ADGRV1: variants seen among roughly 807,000 people sequenced by gnomAD.
ADGRV1 encodes G-protein coupled receptor 98.
A neutral mutation model predicts 596.2 loss-of-function variants in ADGRV1; 359 were observed. That is an observed-to-expected ratio of 0.60 (90% confidence interval 0.55 to 0.66). ADGRV1 has a LOEUF of 0.66. ADGRV1 is among the 30% of genes least tolerant of loss of function. The probability of loss-of-function intolerance (pLI) is 0.00; values close to 1 mark genes in which losing one functional copy is unlikely to be tolerated. For missense variants in ADGRV1, 7,274 were observed against 7,575.6 expected, an observed-to-expected ratio of 0.96 and a Z score of 1.48; for synonymous variants, 2,681 against 2,679.2, an observed-to-expected ratio of 1.00 and a Z score of -0.02.
intron 82 of ADGRV1, among the ~76,000 whole-genome samples, chr5:90,856,953 A>G (rs1226770698): frequency 2.0e-5 from 3 of 152,154 alleles, no homozygotes; most frequent in Admixed American, 1.3e-4. Flanking sequence ...TCTAATAGTC[A>G]TTATCTTTTA....
chr5:90,889,952 C>T (rs57107124), intron 83 of ADGRV1, among the ~76,000 whole-genome samples: 40,020 of 151,964 alleles, frequency 0.26, 5,741 homozygotes, highest in Non-Finnish European at 0.32. Flanking sequence ...TTGTTCTATA[C>T]AGCTGCAAAA....
chr5:91,137,040 T>A (rs561380613), intron 87 of ADGRV1, among the ~76,000 whole-genome samples: 5 of 152,354 alleles, frequency 3.3e-5, no homozygotes, highest in African/African-American at 1.2e-4. Context: ...TTTGAGGTCA[T>A]GGCAATTAAA....
At chr5:90,724,574 G>C (rs1199238041) in intron 45 of ADGRV1, among the ~76,000 whole-genome samples, 2 of 151,912 alleles carry the variant, frequency 1.3e-5, no homozygotes, top group African/African-American at 2.4e-5. Flanking sequence ...AGTATGTGTA[G>C]GTATAAAGCA....
At chr5:91,079,891 A>T (rs1789188608) in intron 86 of ADGRV1, among the ~76,000 whole-genome samples, 1 of 152,190 alleles carries the variant, frequency 6.6e-6, no homozygotes, top group Non-Finnish European at 1.5e-5. Flanking sequence ...TGAGAGAAAG[A>T]GTAAAGGGCT....
intron 85 of ADGRV1, among the ~76,000 whole-genome samples, chr5:91,009,786 C>G (rs920462933): frequency 3.3e-5 from 5 of 152,044 alleles, no homozygotes; most frequent in Non-Finnish European, 7.4e-5. Flanking sequence ...ACTAAATTGA[C>G]TGGATTTCAA....
At chr5:90,958,861 C>G (rs1318754168) in intron 83 of ADGRV1, among the ~76,000 whole-genome samples, 2 of 152,138 alleles carry the variant, frequency 1.3e-5, no homozygotes, top group Non-Finnish European at 2.9e-5. Context: ...GGAGAGGAAA[C>G]AATTTAGCCC....
At chr5:91,072,402 T>C in intron 85 of ADGRV1, 45 bp from the exon 86 acceptor site, 2 of 1,499,546 alleles carry the variant, frequency 1.3e-6, no homozygotes, top group African/African-American at 2.7e-5. Flanking sequence ...TTAGAAATAT[T>C]TGCGCTGAAA....
chr5:90,690,585 G>T (rs1746339398), intron 30 of ADGRV1, among the ~76,000 whole-genome samples: 1 of 152,126 alleles, frequency 6.6e-6, no homozygotes, highest in South Asian at 2.1e-4. Context: ...TATGGGCTTT[G>T]TGGTTTCTAC....
intron 85 of ADGRV1, among the ~76,000 whole-genome samples, chr5:91,064,339 C>T (rs1192771820): frequency 6.6e-6 from 1 of 152,112 alleles, no homozygotes; most frequent in Non-Finnish European, 1.5e-5. Flanking sequence ...TGTTTATAGT[C>T]CTAGCAATTT....
intron 76 of ADGRV1, 41 bp from the exon 77 acceptor site, chr5:90,828,903 A>G (rs1764283437): frequency 1.4e-6 from 2 of 1,380,392 alleles, no homozygotes; most frequent in Non-Finnish European, 1.9e-6. Context: ...ATAGAAATAT[A>G]TTAGTAATAG....
chr5:91,103,258 T>C (rs1421223230), intron 87 of ADGRV1, among the ~76,000 whole-genome samples: 2 of 152,016 alleles, frequency 1.3e-5, no homozygotes, highest in Non-Finnish European at 2.9e-5. Flanking sequence ...TACAAAACAA[T>C]TAAAAGTTTA....
intron 83 of ADGRV1, among the ~76,000 whole-genome samples, chr5:90,933,484 G>A (rs1775428335): frequency 6.6e-6 from 1 of 152,152 alleles, no homozygotes; most frequent in Non-Finnish European, 1.5e-5. Flanking sequence ...AGGGCAGTAA[G>A]TGAGTCTGGT....
intron 79 of ADGRV1, among the ~76,000 whole-genome samples, chr5:90,851,410 T>A (rs1475558532): frequency 6.6e-6 from 1 of 152,094 alleles, no homozygotes; most frequent in African/African-American, 2.4e-5. Flanking sequence ...GACTAGTTTG[T>A]TTACTCAGGA....
chr5:90,895,890 C>T (rs1482545321), intron 83 of ADGRV1, among the ~76,000 whole-genome samples: 1 of 152,060 alleles, frequency 6.6e-6, no homozygotes, highest in African/African-American at 2.4e-5. Flanking sequence ...TTGTGAACTG[C>T]TTCTGTTAAT....
chr5:91,138,198 A>T (rs1794800807), intron 87 of ADGRV1, among the ~76,000 whole-genome samples: 1 of 152,074 alleles, frequency 6.6e-6, no homozygotes, highest in African/African-American at 2.4e-5. Context: ...AAAAGTGCTT[A>T]CATGTGAAAG....
chr5:91,138,930 C>T (rs1338687694), intron 87 of ADGRV1, among the ~76,000 whole-genome samples: 1 of 152,128 alleles, frequency 6.6e-6, no homozygotes, highest in Non-Finnish European at 1.5e-5. Flanking sequence ...TGCCACCACA[C>T]CCAGCTAATT....
chr5:90,927,576 G>C (rs1464234502), intron 83 of ADGRV1, among the ~76,000 whole-genome samples: 3 of 152,044 alleles, frequency 2.0e-5, no homozygotes, highest in East Asian at 3.9e-4. Context: ...GATGGGTCCT[G>C]ACTCTATCCA....
intron 77 of ADGRV1, among the ~76,000 whole-genome samples, chr5:90,830,289 T>C (rs934235947): frequency 6.6e-6 from 1 of 152,156 alleles, no homozygotes; most frequent in African/African-American, 2.4e-5. Context: ...TAAAGTCTAT[T>C]CTAAATAGCA....
chr5:90,805,977 C>T (rs535276413), intron 72 of ADGRV1, among the ~76,000 whole-genome samples: 1 of 152,122 alleles, frequency 6.6e-6, no homozygotes, highest in African/African-American at 2.4e-5. Context: ...TATAAAGAAC[C>T]CTCCAGTGGG....
Sources: gnomAD v4.1 joint callset for allele counts (sites outside exome capture counted in the v4.1 genomes callset) on GRCh38, gnomAD v4.1.1 for gene constraint, MANE v1.5 for transcripts, NCBI Gene and HGNC (gene_info 2026-07-23, HGNC 2026-07-21) for gene names.